Variants in SLC2A5 observed in about 807,000 individuals in gnomAD.
SLC2A5 encodes the protein solute carrier family 2, facilitated glucose transporter member 5.
Under a neutral mutation model 50.3 loss-of-function variants are expected in SLC2A5, and 56 were observed. That is an observed-to-expected ratio of 1.11 (90% confidence interval 0.90 to 1.39). The LOEUF (loss-of-function observed/expected upper bound fraction) is 1.39. Among genes scored for constraint, SLC2A5 ranks in the 40% most tolerant of loss-of-function variants. The pLI is 0.00. For missense variants in SLC2A5, 566 were observed against 650.1 expected, an observed-to-expected ratio of 0.87 and a Z score of 1.41; for synonymous variants, 269 against 281.9, an observed-to-expected ratio of 0.95 and a Z score of 0.46.
intron 2 of SLC2A5, chr1:9,082,810 T>C (rs1415625466): frequency 2.3e-6 from 1 of 430,162 alleles, no homozygotes; most frequent in Admixed American, 2.8e-5. Flanking sequence ...TCCTGGGTTT[T>C]GAATTTGCAG....
chr1:9,052,758 C>G (rs1641610639), intron 3 of SLC2A5, among the ~76,000 whole-genome samples: 1 of 151,710 alleles, frequency 6.6e-6, no homozygotes, highest in Non-Finnish European at 1.5e-5. Context: ...TGGCTCTTGC[C>G]AGTAATCTCA....
At chr1:9,046,272 C>A (rs774047153) in intron 4 of SLC2A5, among the ~76,000 whole-genome samples, 2 of 152,096 alleles carry the variant, frequency 1.3e-5, no homozygotes, top group African/African-American at 4.8e-5. Flanking sequence ...ATACTGCCTA[C>A]TAAGGATGCC....
At chr1:9,073,318 C>G (rs1395085181), upstream of SLC2A5, among the ~76,000 whole-genome samples, 2 of 152,242 alleles carry the variant, frequency 1.3e-5, no homozygotes, top group Non-Finnish European at 2.9e-5. Flanking sequence ...AAAGACATTT[C>G]CCCATTGCTC....
intron 3 of SLC2A5, among the ~76,000 whole-genome samples, chr1:9,053,090 A>ATATATATATATAATATATAT (rs1641625361): frequency 1.0e-5 from 1 of 98,008 alleles, no homozygotes; most frequent in Non-Finnish European, 1.9e-5. Context: ...TTAATATATA[A>ATATATATATATAATATATAT]TATATATTTA....
rs1641810994 is a variant in SLC2A5, at chr1:9,058,151, C to G, written c.132+1G>C. 1 of 1,608,528 alleles carries G rather than the reference C, an allele frequency of 6.2e-7. No individual in the cohort carries two copies. The highest frequency in any genetic ancestry group is 2.2e-5 in the East Asian group (1 of 44,854). On this transcript the variant is annotated splice_donor_variant, in intron 2 of 11. Transcript: ENST00000377424. LOFTEE classifies it high-confidence loss of function. ...ACATCTTGCTCACCACAGTGACCTACCAGTGCTGGGGAGTTGACAGCAGCC... is the reference window on the plus strand; with the variant it reads ...ACATCTTGCTCACCACAGTGACCTAGCAGTGCTGGGGAGTTGACAGCAGCC...
chr1:9,040,058 C>G lies in SLC2A5; in HGVS notation c.697+6G>C, dbSNP rs1292746745. 3.8e-6 allele frequency: 6 copies of G among 1,586,124 alleles called. No individual in the cohort carries two copies. Among genetic ancestry groups the G allele is most frequent in the African/African-American group, 1.3e-5 (1 of 74,132 alleles). ...TGGAGGCCGCCCCCGCCAGAGCCCTCGTTACCTTTCTTGGCGGCCGCTTCG... is the reference window on the plus strand; with the variant it reads ...TGGAGGCCGCCCCCGCCAGAGCCCTGGTTACCTTTCTTGGCGGCCGCTTCG... On this transcript the variant is annotated splice_donor_region_variant and intron_variant, in intron 6 of 11. Coordinates refer to ENST00000377424, the MANE Select transcript of SLC2A5 (RefSeq NM_003039.3). This position sits in a 1 kb window ranked among gnomAD's most constrained non-coding sequence, Gnocchi z 4.3.
intron 9 of SLC2A5, 104 bp from the exon 10 acceptor site, chr1:9,038,610 TC>T: frequency 8.0e-7 from 1 of 1,253,312 alleles, no homozygotes; most frequent in Non-Finnish European, 1.1e-6. Flanking sequence ...ACCTGGCTCC[TC>T]CCCCAGCAGT....
intron 3 of SLC2A5, among the ~76,000 whole-genome samples, chr1:9,049,953 A>G (rs924913152): frequency 9.2e-5 from 14 of 152,006 alleles, no homozygotes; most frequent in African/African-American, 3.4e-4. Flanking sequence ...CCTGGGCAAC[A>G]TAGTGAGACG....
At chr1:9,038,364 G>T in intron 10 of SLC2A5, 67 bp downstream of exon 10, 2 of 1,182,682 alleles carry the variant, frequency 1.7e-6, no homozygotes, top group Non-Finnish European at 2.5e-6. Context: ...TCTCTAAGGA[G>T]CTCCAGCCCG....
At chr1:9,080,555 T>C (rs1314831776) in intron 2 of SLC2A5, among the ~76,000 whole-genome samples, 3 of 152,222 alleles carry the variant, frequency 2.0e-5, no homozygotes, top group Non-Finnish European at 4.4e-5. Flanking sequence ...GCTCTCATTG[T>C]GGTTTTGATT....
chr1:9,038,655 A>T, intron 9 of SLC2A5, 149 bp from the exon 10 acceptor site: 5 of 1,253,778 alleles, frequency 4.0e-6, no homozygotes, highest in Non-Finnish European at 5.6e-6. Context: ...AATCAGCTGA[A>T]CGTGGGCTAT....
chr1:9,069,432 T>C, intron 1 of SLC2A5, 72 bp downstream of exon 1: 1 of 1,522,266 alleles, frequency 6.6e-7, no homozygotes, highest in Non-Finnish European at 9.1e-7. Context: ...CCCCAGCGAC[T>C]CTCCAGGAAG....
In SLC2A5 at chr1:9,053,496, TAA is replaced by T. The variant is rs1462519705; in HGVS notation, c.293+3950_293+3951del. 1.7e-4 allele frequency among the ~76,000 whole-genome samples: 13 copies of T among 78,634 alleles called. 2 individuals are homozygous for T. The highest frequency in any genetic ancestry group is 5.1e-4 in the African/African-American group (10 of 19,494). 51.6% of individuals were successfully genotyped at this position (78,634 alleles called of 152,430 possible). A position where few individuals can be genotyped will look rare whatever the true frequency, so the allele number is the denominator to read the frequency against. ...TTTATATATATTATATATTTATATA[TAA>T]TATATATTATATATTTTATCTATAT... On this transcript the variant is annotated intron_variant, in intron 3 of 11. Transcript: ENST00000377424.
chr1:9,038,766 T>C, intron 9 of SLC2A5, 62 bp downstream of exon 9: 3 of 1,504,622 alleles, frequency 2.0e-6, no homozygotes, highest in Non-Finnish European at 2.7e-6. Flanking sequence ...AGGCGCAGGA[T>C]GGGAGGGGCA....
intron 1 of SLC2A5, among the ~76,000 whole-genome samples, chr1:9,086,575 C>T (rs899195759): frequency 6.6e-6 from 1 of 151,914 alleles, no homozygotes; most frequent in Admixed American, 6.6e-5. Context: ...TTTTTTAGTA[C>T]AGATAGTGTT....
At chr1:9,054,854 T>G (rs1197889653) in intron 3 of SLC2A5, among the ~76,000 whole-genome samples, 1 of 151,948 alleles carries the variant, frequency 6.6e-6, no homozygotes, top group Non-Finnish European at 1.5e-5. Context: ...AGCCCAGGAG[T>G]TCAAGGCTGC....
At chr1:9,081,990 G>A (rs1432480721) in intron 2 of SLC2A5, among the ~76,000 whole-genome samples, 2 of 152,160 alleles carry the variant, frequency 1.3e-5, no homozygotes, top group Non-Finnish European at 2.9e-5. Context: ...GCCAAGGCAC[G>A]AGAATTGCTT....
intron 2 of SLC2A5, chr1:9,082,601 G>C (rs1217626154): frequency 6.4e-6 from 1 of 157,360 alleles, no homozygotes; most frequent in East Asian, 1.9e-4. Context: ...AAAACATGCT[G>C]AGTGAAAGAA....
At chr1:9,073,166 A>G (rs868781135), upstream of SLC2A5, 3 of 152,168 alleles carry the variant, frequency 2.0e-5, no homozygotes, top group Non-Finnish European at 4.4e-5. Context: ...TCTGCTAGGA[A>G]TGTTCTAGAA....
Sources: allele counts gnomAD v4.1 joint callset (sites outside exome capture counted in the v4.1 genomes callset), GRCh38; gene constraint gnomAD v4.1.1; non-coding constraint Gnocchi (gnomAD v3.1); transcripts MANE v1.5; gene names NCBI Gene and HGNC (gene_info 2026-07-23, HGNC 2026-07-21).